ZNF503: variants seen among roughly 807,000 people sequenced by gnomAD.
ZNF503 encodes the protein zinc finger protein 503.
ZNF503 carries 15 observed loss-of-function variants against 34.4 expected under a neutral mutation model. The ratio of observed to expected loss-of-function variants is 0.44; its 90% CI spans 0.29 to 0.67. ZNF503 has a LOEUF of 0.67. Ranked by LOEUF, ZNF503 falls within the 30% of genes least tolerant of loss-of-function variation. ZNF503 has a pLI of 0.13. For synonymous variants in ZNF503, 580 were observed against 456.8 expected (o/e 1.27, Z -3.44); for missense variants, 1,007 against 926.8 (o/e 1.09, Z -1.12).
At chr10:75,381,775 A>AT in the ZNF503 span, among the ~76,000 whole-genome samples, 1 of 59,554 alleles carries the variant, frequency 1.7e-5, no homozygotes, top group South Asian at 5.1e-4. Context: ...AGTTATTTTC[A>AT]TTTTCTGTCA....
chr10:75,302,490 T>A, the ZNF503 span, among the ~76,000 whole-genome samples: 2 of 152,328 alleles, frequency 1.3e-5, no homozygotes, highest in Admixed American at 1.3e-4. Flanking sequence ...ATTACAGATA[T>A]GTGGGTACCC....
chr10:75,294,069 A>G, the ZNF503 span, among the ~76,000 whole-genome samples: 1 of 152,212 alleles, frequency 6.6e-6, no homozygotes, highest in African/African-American at 2.4e-5. Context: ...ACACAGCCCA[A>G]ACCAAGTCCA....
At position 75,398,062 on chromosome 10, in the gene ZNF503, A is replaced by C. The variant is rs570771590; in HGVS notation, c.*687T>G. Reference sequence around the variant, plus strand: ...TGTTGTTTTCTTCCAGAATACATACAAAAAAATACCCATTCTCTTCGATGG... The same window carrying C: ...TGTTGTTTTCTTCCAGAATACATACCAAAAAATACCCATTCTCTTCGATGG... On this transcript the variant is annotated 3_prime_UTR_variant, in exon 2 of 2. Coordinates refer to ENST00000372524, the MANE Select transcript of ZNF503 (RefSeq NM_032772.6). 3.3e-5 allele frequency: 5 copies of C among 152,562 alleles called. No homozygotes were observed. The South Asian group carries it at 8.3e-4, about 25-fold the overall frequency. The allele number at this position is 152,562 out of a possible 1,614,324, so 9.5% of individuals were successfully genotyped here. A position where few individuals can be genotyped will look rare whatever the true frequency, so the allele number is the denominator to read the frequency against.
chr10:75,396,835 C>T (rs1320014583), downstream of ZNF503, among the ~76,000 whole-genome samples: 10 of 152,066 alleles, frequency 6.6e-5, no homozygotes, highest in African/African-American at 2.2e-4. This position sits in a 1 kb window ranked among gnomAD's most constrained non-coding sequence, Gnocchi z 4.4. Flanking sequence ...TGGGTCTCGG[C>T]CCCCCTCCCC....
At chr10:75,394,364 G>A (rs1589131648), downstream of ZNF503, among the ~76,000 whole-genome samples, 1 of 152,216 alleles carries the variant, frequency 6.6e-6, no homozygotes, top group South Asian at 2.1e-4. Flanking sequence ...ATGTGAGCAG[G>A]TCAGCCTGGG....
chr10:75,379,140 C>G, the ZNF503 span, among the ~76,000 whole-genome samples: 8 of 152,172 alleles, frequency 5.3e-5, no homozygotes, highest in South Asian at 1.7e-3. Context: ...TTTAATGGTG[C>G]CTCACCTTAA....
the ZNF503 span, among the ~76,000 whole-genome samples, chr10:75,352,274 G>A: frequency 6.6e-6 from 1 of 152,210 alleles, no homozygotes; most frequent in Non-Finnish European, 1.5e-5. Context: ...AGAGAGGCAA[G>A]GCCCTGCCCT....
chr10:75,352,882 C>T, the ZNF503 span, among the ~76,000 whole-genome samples: 2 of 152,196 alleles, frequency 1.3e-5, no homozygotes, highest in African/African-American at 4.8e-5. Flanking sequence ...GCAGAAGGAC[C>T]ACATGGGAGC....
chr10:75,354,803 C>G, the ZNF503 span, among the ~76,000 whole-genome samples: 1 of 152,136 alleles, frequency 6.6e-6, no homozygotes, highest in Non-Finnish European at 1.5e-5. Flanking sequence ...AGCTGCCCTT[C>G]CTTTGTTGTT....
At chr10:75,396,724 C>T (rs554428693), downstream of ZNF503, among the ~76,000 whole-genome samples, 2 of 152,176 alleles carry the variant, frequency 1.3e-5, no homozygotes, top group Admixed American at 1.3e-4. The surrounding 1 kb of genome is among the most constrained non-coding windows in gnomAD (Gnocchi z 4.4). Flanking sequence ...TGTGACTCCA[C>T]GGTCCCGGAA....
chr10:75,399,986 G>A lies in ZNF503; in HGVS notation c.704C>T (p.Ala235Val). 6.2e-7 allele frequency: 1 copy of A among 1,606,068 alleles called. No homozygotes were observed. The highest frequency in any genetic ancestry group is 1.1e-5 in the South Asian group (1 of 90,796). The part of the protein sequence containing the change: ...RTGSPSSSAS[A>V]CSPGGMLSSA... ...GGACAGCATACCTCCCGGCGAGCAG[G>A]CCGAGGCGCTGGAGCTCGGGCTGCC... Residue 235 changes from alanine to valine, a missense_variant, in exon 2 of 2, where the codon GCC becomes GTC. Physicochemically the swap from Ala to Val is moderately conservative, Grantham distance 64 (BLOSUM62 0). Coordinates refer to ENST00000372524, the MANE Select transcript of ZNF503 (RefSeq NM_032772.6).
chr10:75,303,865 G>T, the ZNF503 span, among the ~76,000 whole-genome samples: 1 of 129,350 alleles, frequency 7.7e-6, no homozygotes, highest in Admixed American at 8.7e-5. Flanking sequence ...ACAGGGTCTT[G>T]CTCTGTCACC....
At chr10:75,384,013 A>G in the ZNF503 span, among the ~76,000 whole-genome samples, 1 of 152,170 alleles carries the variant, frequency 6.6e-6, no homozygotes, top group Non-Finnish European at 1.5e-5. Context: ...GAGACCTCAG[A>G]GGCTCCAGGA....
the ZNF503 span, among the ~76,000 whole-genome samples, chr10:75,380,429 G>A: frequency 2.0e-5 from 3 of 152,120 alleles, no homozygotes; most frequent in South Asian, 6.2e-4. Flanking sequence ...TGGGGCCCTG[G>A]AGCTCAGCAC....
the ZNF503 span, among the ~76,000 whole-genome samples, chr10:75,379,777 G>A: frequency 2.0e-5 from 3 of 152,236 alleles, no homozygotes; most frequent in African/African-American, 7.2e-5. Context: ...TTGCAGGTAT[G>A]ATTATCATAA....
Position 75,400,135 on chromosome 10 carries a change from C to T in ZNF503, c.555G>A (p.Lys185=), listed in dbSNP as rs1452243732. Residue 185 remains lysine (K), a synonymous_variant, in exon 2 of 2, where the codon AAG becomes AAA. Coordinates refer to ENST00000372524, the MANE Select transcript of ZNF503 (RefSeq NM_032772.6). Reference sequence around the variant, plus strand: ...CTCCACCGCCGCCTCCCGGCTCCTTCTTATCCGAGCCGGGTTTGGAGTACG... The same window carrying T: ...CTCCACCGCCGCCTCCCGGCTCCTTTTTATCCGAGCCGGGTTTGGAGTACG... ...FKPYSKPGSD[K]KEPGGGGGGG... is the part of the protein sequence containing the mutation. 1.1e-5 allele frequency: 17 copies of T among 1,533,492 alleles called. 1 individual carries two copies. In the South Asian group the frequency reaches 1.9e-4, roughly 17 times the overall value. The allele number at this position is 1,533,492 out of a possible 1,614,324, so 95.0% of individuals were successfully genotyped here.
chr10:75,346,923 C>T, the ZNF503 span, among the ~76,000 whole-genome samples: 3 of 151,950 alleles, frequency 2.0e-5, no homozygotes, highest in Non-Finnish European at 4.4e-5. Flanking sequence ...ATTGGGATTA[C>T]AGGCGTTAGC....
the ZNF503 span, among the ~76,000 whole-genome samples, chr10:75,377,148 G>A: frequency 4.5e-3 from 687 of 152,290 alleles, 7 homozygotes; most frequent in African/African-American, 0.016. Flanking sequence ...CCCTCAGGAC[G>A]TTGTGACTCA....
At chr10:75,340,988 T>G in the ZNF503 span, among the ~76,000 whole-genome samples, 1 of 152,236 alleles carries the variant, frequency 6.6e-6, no homozygotes, top group Non-Finnish European at 1.5e-5. Flanking sequence ...GACCCTATTT[T>G]TATAGATAAA....
Sources: allele counts gnomAD v4.1 joint callset (sites outside exome capture counted in the v4.1 genomes callset), GRCh38; gene constraint gnomAD v4.1.1; non-coding constraint Gnocchi (gnomAD v3.1); transcripts MANE v1.5; gene names NCBI Gene and HGNC (gene_info 2026-07-23, HGNC 2026-07-21).